GLP1R: variants seen among roughly 807,000 people sequenced by gnomAD.
GLP1R encodes glucagon like peptide 1 receptor.
In GLP1R, 32 loss-of-function variants were observed where a neutral mutation model predicts 68.4. The observed-to-expected ratio is 0.47, with a 90% CI of 0.35 to 0.63. GLP1R has a LOEUF of 0.63. Among genes scored for constraint, GLP1R ranks in the 20% least tolerant of loss-of-function variants. The probability of loss-of-function intolerance (pLI) is 0.00; values close to 1 mark genes in which losing one functional copy is unlikely to be tolerated. For synonymous variants in GLP1R, 263 were observed against 244.4 expected, an observed-to-expected ratio of 1.08 and a Z score of -0.71; for missense variants, 502 against 594.9, an observed-to-expected ratio of 0.84 and a Z score of 1.62.
At chr6:39,084,807 G>A (rs1769104163) in intron 12 of GLP1R, among the ~76,000 whole-genome samples, 1 of 152,218 alleles carries the variant, frequency 6.6e-6, no homozygotes, top group Non-Finnish European at 1.5e-5. Context: ...GCCATACCAG[G>A]CGTCTTGCTG....
intron 3 of GLP1R, among the ~76,000 whole-genome samples, chr6:39,062,660 A>G (rs1430610663): frequency 6.6e-6 from 1 of 152,258 alleles, no homozygotes; most frequent in East Asian, 1.9e-4. Context: ...GCCCAGAGGA[A>G]GGGCAGAGGA....
Position 39,078,258 on chromosome 6 carries a change from G to A in GLP1R, c.824-64G>A, listed in dbSNP as rs374931329. 5.3e-5 allele frequency: 62 copies of A among 1,173,040 alleles called. No homozygotes were observed. The East Asian group carries it at 6.8e-4, about 13-fold the overall frequency. The allele number at this position is 1,173,040 out of a possible 1,614,324, so 72.7% of individuals were successfully genotyped here. A position where few individuals can be genotyped will look rare whatever the true frequency, so the allele number is the denominator to read the frequency against. On this transcript the variant is annotated intron_variant, in intron 7 of 12. Coordinates refer to ENST00000373256, the MANE Select transcript of GLP1R (RefSeq NM_002062.5). ...GGGGCTTGGGGCAGGGAGAGGCCTC[G>A]GCATGTAGACTGTGGCTCTGGCCTG...
chr6:39,079,123 C>T lies in GLP1R; in HGVS notation c.966C>T (p.Leu322=). The change falls in exon 10 of 13, where the codon CTC becomes CTT. Residue 322 remains leucine (L), a synonymous_variant. Coordinates refer to ENST00000373256, the MANE Select transcript of GLP1R (RefSeq NM_002062.5). This position sits in a 1 kb window ranked among gnomAD's most constrained non-coding sequence, Gnocchi z 4.5. ...PILFAIGVNF[L]IFVRVICIVV... ...GCCCCACCCCGCAGGTGAACTTCCT[C>T]ATCTTTGTTCGGGTCATCTGCATCG... The T allele has an allele frequency of 1.2e-6, 2 of 1,614,032 alleles. No individual in the cohort carries two copies. The highest frequency in any genetic ancestry group is 1.7e-6 in the Non-Finnish European group (2 of 1,179,910).
chr6:39,074,765 G>A (rs755895878), intron 7 of GLP1R, among the ~76,000 whole-genome samples: 1 of 152,142 alleles, frequency 6.6e-6, no homozygotes, highest in East Asian at 1.9e-4. Flanking sequence ...CTCCATGCAG[G>A]AATGTTCAGG....
At position 39,049,044 on chromosome 6, in the gene GLP1R, A is replaced by T; in HGVS notation, c.78+126A>T. ...CGAGACCGCTGGCGGGGGCATCCGA[A>T]AGCCTCGGGGGGAGTAGGGACTGGA... On this transcript the variant is annotated intron_variant, in intron 1 of 12. Coordinates refer to ENST00000373256, the MANE Select transcript of GLP1R (RefSeq NM_002062.5). This position sits in a 1 kb window ranked among gnomAD's most constrained non-coding sequence, Gnocchi z 4.5. The T allele has an allele frequency of 2.1e-6, 1 of 487,386 alleles. No homozygotes were observed. The highest frequency in any genetic ancestry group is 4.9e-4 in the Middle Eastern group (1 of 2,038). 30.2% of individuals were successfully genotyped at this position (487,386 alleles called of 1,614,324 possible).
In GLP1R at chr6:39,087,813, A is replaced by T. The variant is rs997310936; in HGVS notation, c.*1740A>T. ...CGGGCTAAAGAAAGGAATTGTGTGG[A>T]TGGCTGCCTTGACTGAGACAATATG... On this transcript the variant is annotated 3_prime_UTR_variant, in exon 13 of 13. Transcript: ENST00000373256. 6.6e-6 allele frequency: 1 copy of T among 152,176 alleles called. No individual in the cohort carries two copies. The highest frequency in any genetic ancestry group is 2.4e-5 in the African/African-American group (1 of 41,440). The allele number at this position is 152,176 out of a possible 1,614,324, so 9.4% of individuals were successfully genotyped here.
At chr6:39,065,661 A>G (rs200404012) in intron 3 of GLP1R, 50 bp from the exon 4 acceptor site, 7 of 1,190,144 alleles carry the variant, frequency 5.9e-6, no homozygotes, top group Admixed American at 2.0e-5. Flanking sequence ...AGCACTGGGC[A>G]GGCTGCCCTA....
chr6:39,064,026 G>A (rs1768430455), intron 3 of GLP1R, among the ~76,000 whole-genome samples: 2 of 136,386 alleles, frequency 1.5e-5, no homozygotes, highest in Non-Finnish European at 3.1e-5. Context: ...TTTTGAGGCA[G>A]AGTCTCACTC....
At chr6:39,083,957 G>T (rs911796977) in intron 12 of GLP1R, among the ~76,000 whole-genome samples, 5 of 152,184 alleles carry the variant, frequency 3.3e-5, no homozygotes, top group African/African-American at 1.2e-4. Flanking sequence ...TAAAACACAT[G>T]TACTGAGCAC....
chr6:39,086,096 G>C lies in GLP1R; in HGVS notation c.*23G>C. 6.2e-7 allele frequency: 1 copy of C among 1,609,872 alleles called. No homozygotes were observed. The highest frequency in any genetic ancestry group is 8.5e-7 in the Non-Finnish European group (1 of 1,177,770). ...TGAGACTCCAGCGCCTGCCCTCCCT[G>C]GGGTCCTTGCTGCAGGCCGGGTGGC... On this transcript the variant is annotated 3_prime_UTR_variant, in exon 13 of 13. Coordinates refer to ENST00000373256, the MANE Select transcript of GLP1R (RefSeq NM_002062.5). The surrounding 1 kb of genome is among the most constrained non-coding windows in gnomAD (Gnocchi z 4.5).
intron 3 of GLP1R, among the ~76,000 whole-genome samples, chr6:39,063,926 A>AACACAC (rs530782175): frequency 0.23 from 29,835 of 129,844 alleles, 3,747 homozygotes; most frequent in Non-Finnish European, 0.29. Flanking sequence ...ACAGACACAT[A>AACACAC]ACACACACAC....
At chr6:39,066,501 C>A (rs776764996) in intron 5 of GLP1R, among the ~76,000 whole-genome samples, 198 bp downstream of exon 5, 1 of 152,198 alleles carries the variant, frequency 6.6e-6, no homozygotes, top group Non-Finnish European at 1.5e-5. Flanking sequence ...CTAGTCTCCA[C>A]GGTGTAAAAG....
intron 1 of GLP1R, among the ~76,000 whole-genome samples, chr6:39,054,007 C>T (rs1182896060): frequency 2.0e-5 from 3 of 152,038 alleles, no homozygotes; most frequent in Admixed American, 2.0e-4. Flanking sequence ...CTGAAGTGCC[C>T]GCCCTCCTCC....
rs1225236582 is a variant in GLP1R, at chr6:39,079,146, T to A, written c.989T>A (p.Ile330Asn). The change falls in exon 10 of 13, where the codon ATC becomes AAC. Residue 330 changes from isoleucine to asparagine, a missense_variant. Ile to Asn is a moderately radical substitution (Grantham distance 149, BLOSUM62 -3). Coordinates refer to ENST00000373256, the MANE Select transcript of GLP1R (RefSeq NM_002062.5). The surrounding 1 kb of genome is among the most constrained non-coding windows in gnomAD (Gnocchi z 4.5). ...NFLIFVRVIC[I>N]VVSKLKANLM... ...CTCATCTTTGTTCGGGTCATCTGCATCGTGGTATCCAAACTGAAGGCCAAT... is the reference window on the plus strand; with the variant it reads ...CTCATCTTTGTTCGGGTCATCTGCAACGTGGTATCCAAACTGAAGGCCAAT... The A allele has an allele frequency of 6.2e-7, 1 of 1,614,124 alleles. No individual in the cohort carries two copies. Among genetic ancestry groups the A allele is most frequent in the South Asian group, 1.1e-5 (1 of 91,084 alleles).
At position 39,079,342 on chromosome 6, in the gene GLP1R, C is replaced by A. The variant is rs916614188; in HGVS notation, c.1043+142C>A. 7 of 819,406 alleles carry A rather than the reference C, an allele frequency of 8.5e-6. No homozygotes were observed. The highest frequency in any genetic ancestry group is 1.7e-5 in the African/African-American group (1 of 58,952). The allele number at this position is 819,406 out of a possible 1,614,324, so 50.8% of individuals were successfully genotyped here. A position where few individuals can be genotyped will look rare whatever the true frequency, so the allele number is the denominator to read the frequency against. On this transcript the variant is annotated intron_variant, in intron 10 of 12. Coordinates refer to ENST00000373256, the MANE Select transcript of GLP1R (RefSeq NM_002062.5). The surrounding 1 kb of genome is among the most constrained non-coding windows in gnomAD (Gnocchi z 4.5). ...TTCCACCCAGGCCTGGCCTTGGACCCCAAACCCTTGCTTTTGCCCTGTCTC... is the reference window on the plus strand; with the variant it reads ...TTCCACCCAGGCCTGGCCTTGGACCACAAACCCTTGCTTTTGCCCTGTCTC...
intron 1 of GLP1R, among the ~76,000 whole-genome samples, chr6:39,052,836 A>G (rs1449601570): frequency 6.6e-6 from 1 of 152,228 alleles, no homozygotes; most frequent in Non-Finnish European, 1.5e-5. Flanking sequence ...AGGTCCTAAA[A>G]GATAAATCGT....
At position 39,071,364 on chromosome 6, in the gene GLP1R, A is replaced by AAAAG. The variant is rs1562012217; in HGVS notation, c.510-1482_510-1479dup. Among the ~76,000 whole-genome samples, 11 of 137,372 alleles carry AAAAG rather than the reference A, an allele frequency of 8.0e-5. No individual in the cohort carries two copies. The East Asian group carries it at 8.7e-4, about 11-fold the overall frequency. 90.1% of individuals were successfully genotyped at this position (137,372 alleles called of 152,430 possible). A position where few individuals can be genotyped will look rare whatever the true frequency, so the allele number is the denominator to read the frequency against. On this transcript the variant is annotated intron_variant, in intron 5 of 12. Coordinates refer to ENST00000373256, the MANE Select transcript of GLP1R (RefSeq NM_002062.5). Reference sequence around the variant, plus strand: ...CCATCTCAAAAAAAAAAAAAAAAAAAAAAGAAAGAAAGAAAGAAAAAGAAA... The same window carrying AAAAG: ...CCATCTCAAAAAAAAAAAAAAAAAAAAAAGAAAGAAAGAAAGAAAGAAAAAGAAA...
chr6:39,057,169 A>G (rs750797876), intron 2 of GLP1R, among the ~76,000 whole-genome samples: 9 of 152,188 alleles, frequency 5.9e-5, no homozygotes, highest in Non-Finnish European at 1.2e-4. Context: ...AGCACGTACT[A>G]TGTTCCATTA....
At chr6:39,085,422 C>T (rs1317075686) in intron 12 of GLP1R, among the ~76,000 whole-genome samples, 1 of 152,174 alleles carries the variant, frequency 6.6e-6, no homozygotes, top group African/African-American at 2.4e-5. Flanking sequence ...CTGTGAGGTG[C>T]TGGGGCCTGG....
Sources: gnomAD v4.1 joint callset for allele counts (sites outside exome capture counted in the v4.1 genomes callset) on GRCh38, gnomAD v4.1.1 for gene constraint, Gnocchi (gnomAD v3.1) non-coding constraint, MANE v1.5 for transcripts, NCBI Gene and HGNC (gene_info 2026-07-23, HGNC 2026-07-21) for gene names.